Variants in AGAP1 observed in about 807,000 individuals in gnomAD.
The protein encoded by AGAP1 is ArfGAP with GTPase domain, ankyrin repeat and PH domain 1, also known as arf-GAP with GTPase, ANK repeat and PH domain-containing protein 1.
A neutral mutation model predicts 105.3 loss-of-function variants in AGAP1; 29 were observed. The ratio of observed to expected loss-of-function variants is 0.28; its 90% confidence interval spans 0.21 to 0.38. The LOEUF is 0.38. Ranked by LOEUF, AGAP1 falls within the 10% of genes least tolerant of loss-of-function variation. The pLI is 1.00. For synonymous variants in AGAP1, 509 were observed against 485.9 expected, an observed-to-expected ratio of 1.05 and a Z score of -0.63; for missense variants, 998 against 1,165.1, an observed-to-expected ratio of 0.86 and a Z score of 2.09.
At chr2:235,573,183 C>T (rs1193933425) in intron 1 of AGAP1, among the ~76,000 whole-genome samples, 1 of 150,624 alleles carries the variant, frequency 6.6e-6, no homozygotes, top group African/African-American at 2.4e-5. Context: ...TCCCTGCACC[C>T]TGGATCTCCT....
Position 235,867,559 on chromosome 2 carries a change from G to GTC in AGAP1, c.1051-15785_1051-15784insCT, listed in dbSNP as rs2049233133. Among the ~76,000 whole-genome samples the GTC allele has an allele frequency of 6.7e-6, 1 of 149,412 alleles. No homozygotes were observed. The highest frequency in any genetic ancestry group is 1.5e-5 in the Non-Finnish European group (1 of 67,260). On this transcript the variant is annotated intron_variant, in intron 9 of 17. Transcript: ENST00000304032. This position sits in a 1 kb window ranked among gnomAD's most constrained non-coding sequence, Gnocchi z 5.4. ...GCAGTGTGTGTGTGTGTGTGTGTGTGTGTGTGTGTGTGTGTGCAAGTGAGG... is the reference window on the plus strand; with the variant it reads ...GCAGTGTGTGTGTGTGTGTGTGTGTGTCTGTGTGTGTGTGTGTGCAAGTGAGG...
At chr2:235,678,042 A>C (rs1948850848) in intron 1 of AGAP1, among the ~76,000 whole-genome samples, 1 of 149,244 alleles carries the variant, frequency 6.7e-6, no homozygotes, top group Non-Finnish European at 1.5e-5. Flanking sequence ...CCTGTACAGT[A>C]AGTGCTGCCG....
intron 13 of AGAP1, among the ~76,000 whole-genome samples, chr2:235,998,037 T>C (rs902843776): frequency 1.3e-5 from 2 of 152,172 alleles, no homozygotes; most frequent in Non-Finnish European, 2.9e-5. Flanking sequence ...AACAAAATCA[T>C]GTCAGTAAAC....
At chr2:235,704,764 C>T (rs1329907640) in intron 1 of AGAP1, among the ~76,000 whole-genome samples, 5 of 152,132 alleles carry the variant, frequency 3.3e-5, no homozygotes, top group African/African-American at 1.2e-4. Flanking sequence ...AGCAACACAG[C>T]AGATAATGAG....
chr2:235,839,138 G>A (rs1960509709), intron 9 of AGAP1, among the ~76,000 whole-genome samples: 1 of 152,238 alleles, frequency 6.6e-6, no homozygotes, highest in Non-Finnish European at 1.5e-5. Context: ...GCCTGAGTCT[G>A]CATTTACTGT....
At chr2:235,998,116 C>A (rs114410665) in intron 13 of AGAP1, among the ~76,000 whole-genome samples, 1 of 152,162 alleles carries the variant, frequency 6.6e-6, no homozygotes, top group African/African-American at 2.4e-5. Flanking sequence ...CAATAACCAC[C>A]GTGGACTGCC....
intron 1 of AGAP1, among the ~76,000 whole-genome samples, chr2:235,585,311 C>T (rs374406600): frequency 9.9e-5 from 15 of 152,276 alleles, no homozygotes; most frequent in African/African-American, 2.9e-4. Context: ...GCATTCCTGG[C>T]CTTAGCTCTG....
chr2:235,712,967 A>ATCGT lies in AGAP1; in HGVS notation c.222+3731_222+3734dup, dbSNP rs1950926131. 6.6e-6 allele frequency among the ~76,000 whole-genome samples: 1 copy of ATCGT among 152,230 alleles called. No homozygotes were observed. The highest frequency in any genetic ancestry group is 6.5e-5 in the Admixed American group (1 of 15,292). ...CAGCGTTTCAAATTAAAATGATGCC[A>ATCGT]TCGTGTGTGACTGAGGTGGTCTGTG... is the stretch of plus-strand genomic sequence containing the variant. On this transcript the variant is annotated intron_variant, in intron 2 of 17. Coordinates refer to ENST00000304032, the MANE Select transcript of AGAP1 (RefSeq NM_001037131.3). The surrounding 1 kb of genome is among the most constrained non-coding windows in gnomAD (Gnocchi z 6.0).
chr2:235,498,304 TC>T (rs749998490), intron 1 of AGAP1, among the ~76,000 whole-genome samples: 9 of 152,140 alleles, frequency 5.9e-5, no homozygotes, highest in African/African-American at 9.6e-5. Flanking sequence ...AGAGGTTTAT[TC>T]CCCCCTCCCT....
In AGAP1 at chr2:235,549,035, T is replaced by G. The variant is rs921270654; in HGVS notation, c.163+54186T>G. Among the ~76,000 whole-genome samples, 1 of 152,230 alleles carries G rather than the reference T, an allele frequency of 6.6e-6. No homozygotes were observed. Among genetic ancestry groups the G allele is most frequent in the South Asian group, 2.1e-4 (1 of 4,830 alleles). ...TGGTCCGAGCCTGGGTGGAAAGCAC[T>G]GCAGGGCAGCTTGTGCAGAAACTGG... On this transcript the variant is annotated intron_variant, in intron 1 of 17. Transcript: ENST00000304032. The surrounding 1 kb of genome is among the most constrained non-coding windows in gnomAD (Gnocchi z 4.2).
rs557639037 is a variant in AGAP1, at chr2:235,747,030, A to G, written c.538+2191A>G. On this transcript the variant is annotated intron_variant, in intron 5 of 17. Coordinates refer to ENST00000304032, the MANE Select transcript of AGAP1 (RefSeq NM_001037131.3). The surrounding 1 kb of genome is among the most constrained non-coding windows in gnomAD (Gnocchi z 5.0). ...ACACCTGGGACTTTGGTGGGGTTCA[A>G]CAGGAATTCCCAGAAGACACTCAGT... 6.6e-6 allele frequency among the ~76,000 whole-genome samples: 1 copy of G among 152,240 alleles called. No homozygotes were observed. The highest frequency in any genetic ancestry group is 6.5e-5 in the Admixed American group (1 of 15,294).
At chr2:235,775,204 A>G (rs1955771012) in intron 6 of AGAP1, among the ~76,000 whole-genome samples, 1 of 152,112 alleles carries the variant, frequency 6.6e-6, no homozygotes. Flanking sequence ...GCAGTAACCA[A>G]TTTGGGATTC....
intron 10 of AGAP1, among the ~76,000 whole-genome samples, chr2:235,896,107 C>T (rs374064205): frequency 6.6e-6 from 1 of 152,166 alleles, no homozygotes; most frequent in Admixed American, 6.5e-5. Context: ...AAATTCCTAT[C>T]CCCCCTCCAC....
intron 16 of AGAP1, among the ~76,000 whole-genome samples, chr2:236,066,051 A>G (rs1044537572): frequency 6.6e-6 from 1 of 152,252 alleles, no homozygotes; most frequent in East Asian, 1.9e-4. Context: ...TGGCTTGCCC[A>G]TGTGTCCTGA....
intron 1 of AGAP1, among the ~76,000 whole-genome samples, chr2:235,584,835 C>A (rs79289070): frequency 6.8e-6 from 1 of 147,878 alleles, no homozygotes; most frequent in Non-Finnish European, 1.5e-5. Flanking sequence ...TGCTTTTATT[C>A]GTTTTCTCAG....
intron 13 of AGAP1, among the ~76,000 whole-genome samples, chr2:236,007,057 A>G (rs2125543369): frequency 7.0e-6 from 1 of 142,410 alleles, no homozygotes; most frequent in East Asian, 2.1e-4. Context: ...AAGCAGTTTT[A>G]TGGGAGGAAA....
intron 1 of AGAP1, among the ~76,000 whole-genome samples, chr2:235,598,504 T>C (rs1418366490): frequency 6.6e-6 from 1 of 152,188 alleles, no homozygotes; most frequent in Non-Finnish European, 1.5e-5. Context: ...TTGTATGTCG[T>C]TTCGTTTAAA....
At chr2:235,986,944 GT>G (rs2055338444) in intron 13 of AGAP1, among the ~76,000 whole-genome samples, 4 of 151,826 alleles carry the variant, frequency 2.6e-5, no homozygotes, top group Admixed American at 6.6e-5. Flanking sequence ...TTTTTTTGTT[GT>G]GTCTCTTCCT....
intron 13 of AGAP1, among the ~76,000 whole-genome samples, chr2:236,021,682 G>GT (rs1265085690): frequency 3.9e-5 from 6 of 152,140 alleles, no homozygotes; most frequent in Non-Finnish European, 8.8e-5. Flanking sequence ...CACCCCTGCT[G>GT]TATCGCAAGA....
Sources: gnomAD v4.1 joint callset for allele counts (sites outside exome capture counted in the v4.1 genomes callset) on GRCh38, gnomAD v4.1.1 for gene constraint, Gnocchi (gnomAD v3.1) non-coding constraint, MANE v1.5 for transcripts, NCBI Gene and HGNC (gene_info 2026-07-23, HGNC 2026-07-21) for gene names.